AGBL1: variants seen among roughly 807,000 people sequenced by gnomAD.
AGBL1 encodes AGBL carboxypeptidase 1.
Under a neutral mutation model 118.9 loss-of-function variants are expected in AGBL1, and 130 were observed. The observed-to-expected ratio is 1.09, with a 90% CI of 0.95 to 1.26. The LOEUF (loss-of-function observed/expected upper bound fraction) is 1.26, where lower values mean the gene tolerates loss of function less well. Among genes scored for constraint, AGBL1 ranks in the 50% most tolerant of loss-of-function variants. AGBL1 has a pLI of 0.00. For synonymous variants in AGBL1, 555 were observed against 478.9 expected (o/e 1.16, Z -2.08); for missense variants, 1,584 against 1,298.1 (o/e 1.22, Z -3.38).
At chr15:86,226,355 C>T (rs750772551) in intron 6 of AGBL1, among the ~76,000 whole-genome samples, 2 of 152,150 alleles carry the variant, frequency 1.3e-5, no homozygotes, top group Admixed American at 6.5e-5. Flanking sequence ...GTAGGCCAGC[C>T]TGTGAATGTC....
chr15:86,223,600 G>T (rs987868037), intron 5 of AGBL1, among the ~76,000 whole-genome samples: 3 of 152,184 alleles, frequency 2.0e-5, no homozygotes, highest in African/African-American at 7.2e-5. Context: ...ACCGTTTGAA[G>T]GATAAATGAA....
At chr15:86,918,191 C>G (rs141915683), downstream of AGBL1, among the ~76,000 whole-genome samples, 3 of 152,262 alleles carry the variant, frequency 2.0e-5, no homozygotes, top group African/African-American at 7.2e-5. Flanking sequence ...AGACCTTGGG[C>G]TGAATGTTTA....
At position 86,638,947 on chromosome 15, in the gene AGBL1, C is replaced by G. The variant is rs145326593; in HGVS notation, c.2995-35326C>G. Among the ~76,000 whole-genome samples, 33 of 152,188 alleles carry G rather than the reference C, an allele frequency of 2.2e-4. No individual in the cohort carries two copies. In the East Asian group the frequency reaches 6.0e-3, roughly 28 times the overall value. Reference sequence around the variant, plus strand: ...TGGTAGCAATCCACTTCCGAGTTCTCTCCGTGCTGGTAGACGGGATTCAGT... The same window carrying G: ...TGGTAGCAATCCACTTCCGAGTTCTGTCCGTGCTGGTAGACGGGATTCAGT... On this transcript the variant is annotated intron_variant, in intron 21 of 22. Coordinates refer to ENST00000614907, the MANE Select transcript of AGBL1 (RefSeq NM_001386094.1).
intron 22 of AGBL1, among the ~76,000 whole-genome samples, chr15:86,809,062 G>T (rs74941281): frequency 6.6e-6 from 1 of 152,030 alleles, no homozygotes; most frequent in African/African-American, 2.4e-5. Context: ...AAAAGGAGAG[G>T]CTTGCTATGT....
chr15:86,397,164 A>G (rs1009729414), intron 17 of AGBL1, among the ~76,000 whole-genome samples: 1 of 151,808 alleles, frequency 6.6e-6, no homozygotes, highest in Non-Finnish European at 1.5e-5. Context: ...TAGATTCTGT[A>G]TGAGTAAGAT....
intron 19 of AGBL1, among the ~76,000 whole-genome samples, chr15:86,529,337 C>A (rs1163940397): frequency 7.4e-6 from 1 of 135,430 alleles, no homozygotes. Flanking sequence ...CCGATGCGAT[C>A]AACTGGAAGA....
At chr15:86,869,918 C>T (rs1201510284) in intron 22 of AGBL1, among the ~76,000 whole-genome samples, 1 of 152,076 alleles carries the variant, frequency 6.6e-6, no homozygotes, top group Non-Finnish European at 1.5e-5. Context: ...CTTGACAGTA[C>T]CTGGTTGCTT....
At chr15:86,751,897 A>C (rs1174923887) in intron 22 of AGBL1, among the ~76,000 whole-genome samples, 1 of 152,132 alleles carries the variant, frequency 6.6e-6, no homozygotes, top group African/African-American at 2.4e-5. Context: ...ACATGTTTTA[A>C]TCACAGGTCC....
chr15:86,485,684 A>G (rs1397919773), intron 18 of AGBL1, among the ~76,000 whole-genome samples: 1 of 152,162 alleles, frequency 6.6e-6, no homozygotes, highest in South Asian at 2.1e-4. Flanking sequence ...CTCATGGGCT[A>G]TACAAAAGCA....
At chr15:86,575,601 T>C (rs981886536) in intron 21 of AGBL1, among the ~76,000 whole-genome samples, 1 of 152,104 alleles carries the variant, frequency 6.6e-6, no homozygotes, top group African/African-American at 2.4e-5. Context: ...AAAAAAATTA[T>C]TTTTAGAGAC....
At chr15:86,426,756 A>T (rs182318899) in intron 18 of AGBL1, among the ~76,000 whole-genome samples, 25 of 152,058 alleles carry the variant, frequency 1.6e-4, no homozygotes, top group African/African-American at 5.8e-4. Flanking sequence ...CCACTATGTT[A>T]TGTGTTTTGC....
At chr15:86,842,773 T>TC (rs1433113935) in intron 22 of AGBL1, among the ~76,000 whole-genome samples, 1 of 152,176 alleles carries the variant, frequency 6.6e-6, no homozygotes, top group Non-Finnish European at 1.5e-5. Flanking sequence ...ACATTCTTTC[T>TC]CTCCAACTGG....
At chr15:86,843,910 C>T (rs1049207196) in intron 22 of AGBL1, among the ~76,000 whole-genome samples, 2 of 152,098 alleles carry the variant, frequency 1.3e-5, no homozygotes, top group African/African-American at 4.8e-5. Flanking sequence ...CCTCTTAGTC[C>T]CAGCCCAGAC....
chr15:86,474,962 A>G (rs2082535873), intron 18 of AGBL1, among the ~76,000 whole-genome samples: 1 of 152,220 alleles, frequency 6.6e-6, no homozygotes, highest in African/African-American at 2.4e-5. Context: ...CCCAGGCAAA[A>G]GGGTCTGGAG....
chr15:86,636,526 T>TA (rs1201430594), intron 21 of AGBL1, among the ~76,000 whole-genome samples: 5 of 148,376 alleles, frequency 3.4e-5, no homozygotes, highest in African/African-American at 9.9e-5. Flanking sequence ...CTCCTACATT[T>TA]AAAAAAAATT....
At chr15:86,902,763 CT>C (rs1270145352) in intron 22 of AGBL1, among the ~76,000 whole-genome samples, 1 of 152,104 alleles carries the variant, frequency 6.6e-6, no homozygotes, top group Non-Finnish European at 1.5e-5. Context: ...CTGATGAGAA[CT>C]TTGCTGCCAT....
At chr15:86,758,877 G>T (rs2141267334) in intron 22 of AGBL1, among the ~76,000 whole-genome samples, 1 of 151,080 alleles carries the variant, frequency 6.6e-6, no homozygotes, top group East Asian at 2.0e-4. Flanking sequence ...GGAGGCTGAG[G>T]TGGGAGGATT....
intron 21 of AGBL1, among the ~76,000 whole-genome samples, chr15:86,667,335 G>T (rs2085665362): frequency 6.6e-6 from 1 of 151,636 alleles, no homozygotes; most frequent in Non-Finnish European, 1.5e-5. Context: ...TCAGTTTTTG[G>T]TATTAGGATT....
At chr15:87,018,566 G>T (rs759949525) in intron 24 of AGBL1, among the ~76,000 whole-genome samples, 5 of 152,090 alleles carry the variant, frequency 3.3e-5, no homozygotes, top group Non-Finnish European at 7.4e-5. Context: ...AATGCTGGAG[G>T]AATTCATTAC....
Sources: gnomAD v4.1 joint callset for allele counts (sites outside exome capture counted in the v4.1 genomes callset) on GRCh38, gnomAD v4.1.1 for gene constraint, MANE v1.5 for transcripts, NCBI Gene and HGNC (gene_info 2026-07-23, HGNC 2026-07-21) for gene names.